The following BMS1 variants were observed in gnomAD, a reference collection of about 807,000 sequenced individuals.
BMS1 encodes BMS1 ribosome biogenesis factor.
Under a neutral mutation model 138.7 loss-of-function variants are expected in BMS1, and 53 were observed. The observed-to-expected ratio is 0.38, with a 90% confidence interval of 0.31 to 0.48. The LOEUF is 0.48. Among genes scored for constraint, BMS1 ranks in the 20% least tolerant of loss-of-function variants. The probability of loss-of-function intolerance (pLI) is 0.97; values close to 1 mark genes in which losing one functional copy is unlikely to be tolerated. For synonymous variants in BMS1, 504 were observed against 539.9 expected (o/e 0.93, Z 0.92); for missense variants, 1,360 against 1,565.5 (o/e 0.87, Z 2.22).
At chr10:42,804,629 A>G (rs1841962643) in intron 13 of BMS1, among the ~76,000 whole-genome samples, 1 of 152,044 alleles carries the variant, frequency 6.6e-6, no homozygotes, top group South Asian at 2.1e-4. Context: ...GTGTTATCCA[A>G]TTATTTTTGC....
intron 14 of BMS1, among the ~76,000 whole-genome samples, chr10:42,817,058 C>A (rs1235909312): frequency 6.6e-6 from 1 of 152,150 alleles, no homozygotes; most frequent in Admixed American, 6.5e-5. Context: ...GGGTGAGGGA[C>A]ACGTCTGTTA....
At chr10:42,827,389 A>G (rs1238233952) in intron 21 of BMS1, among the ~76,000 whole-genome samples, 1 of 152,212 alleles carries the variant, frequency 6.6e-6, no homozygotes, top group African/African-American at 2.4e-5. Context: ...TCAGTGTAAC[A>G]GTGGCCCACC....
chr10:42,802,760 AT>A (rs1331142930), intron 13 of BMS1, among the ~76,000 whole-genome samples: 2 of 150,854 alleles, frequency 1.3e-5, no homozygotes, highest in African/African-American at 4.8e-5. Flanking sequence ...CAAATATTTC[AT>A]TTTTATTATT....
chr10:42,808,582 A>C (rs900181126), intron 13 of BMS1, among the ~76,000 whole-genome samples: 2 of 152,108 alleles, frequency 1.3e-5, no homozygotes, highest in Non-Finnish European at 2.9e-5. Flanking sequence ...TACAGGCGTG[A>C]GCCACCGTGT....
intron 21 of BMS1, among the ~76,000 whole-genome samples, chr10:42,826,687 C>A (rs1401606597): frequency 6.6e-6 from 1 of 152,228 alleles, no homozygotes; most frequent in Admixed American, 6.5e-5. Flanking sequence ...TCAACCAATG[C>A]CATTTTCCTG....
At chr10:42,785,021 G>A (rs1244491845) in intron 2 of BMS1, among the ~76,000 whole-genome samples, 1 of 152,100 alleles carries the variant, frequency 6.6e-6, no homozygotes, top group Non-Finnish European at 1.5e-5. Context: ...AATCATTCTT[G>A]CCCTCATTTT....
In BMS1 at chr10:42,834,416, T is replaced by C. The variant is rs1183980256; in HGVS notation, c.*3320T>C. ...GATGGGAAAAAGAGCATCGATTTAA[T>C]TGCCCTTGGTACCGACTTCTAGTAT... is the stretch of plus-strand genomic sequence containing the variant. On this transcript the variant is annotated 3_prime_UTR_variant, in exon 23 of 23. Transcript: ENST00000374518. 1 of 151,912 alleles carries C rather than the reference T, an allele frequency of 6.6e-6. No homozygotes were observed. The highest frequency in any genetic ancestry group is 1.5e-5 in the Non-Finnish European group (1 of 68,026). 9.4% of individuals were successfully genotyped at this position (151,912 alleles called of 1,614,324 possible).
At chr10:42,793,743 A>G in intron 8 of BMS1, 109 bp from the exon 9 acceptor site, 1 of 1,290,376 alleles carries the variant, frequency 7.7e-7, no homozygotes, top group Non-Finnish European at 1.1e-6. Flanking sequence ...GCATTAAGAA[A>G]GGTTCTTAGG....
chr10:42,785,440 T>A (rs1841296992), intron 2 of BMS1, 42 bp from the exon 3 acceptor site: 3 of 1,521,986 alleles, frequency 2.0e-6, no homozygotes. Flanking sequence ...ATTTTGAAAA[T>A]GAGTTTACTA....
Position 42,793,867 on chromosome 10 carries a change from A to G in BMS1, c.1105A>G (p.Thr369Ala), listed in dbSNP as rs1294851411. 6.2e-7 allele frequency: 1 copy of G among 1,611,202 alleles called. No individual in the cohort carries two copies. Among genetic ancestry groups the G allele is most frequent in the East Asian group, 2.2e-5 (1 of 44,832 alleles). Residue 369 changes from threonine to alanine, a missense_variant, in exon 9 of 23, where the codon ACC becomes GCC. Around this residue, in one of 3 missense-constraint regions of BMS1, gnomAD observed 697 missense variants for 686.2 expected, o/e 1.02. Transcript: ENST00000374518. Reference sequence around the variant, plus strand: ...GTCTTGACAGGATGAAGTGGGGCCCACCCATGAGCTGGTCCAGAGTCTCAT... The same window carrying G: ...GTCTTGACAGGATGAAGTGGGGCCCGCCCATGAGCTGGTCCAGAGTCTCAT... ...SHVFQDEVGP[T>A]HELVQSLIST...
chr10:42,789,101 A>G (rs1564408732), intron 4 of BMS1, among the ~76,000 whole-genome samples: 1 of 152,234 alleles, frequency 6.6e-6, no homozygotes, highest in African/African-American at 2.4e-5. Flanking sequence ...GGGTGTGTAC[A>G]GGCGTGTGTA....
chr10:42,821,514 A>T, intron 18 of BMS1, among the ~76,000 whole-genome samples: 1 of 149,442 alleles, frequency 6.7e-6, no homozygotes, highest in East Asian at 2.0e-4. Context: ...TTCCTCTGAA[A>T]TCACTCTCAG....
Position 42,787,219 on chromosome 10 carries a change from TGATTGATCTG to T in BMS1, c.421_430del (p.Ile141LeufsTer3). On this transcript the variant is annotated frameshift_variant, in exon 4 of 23. Transcript: ENST00000374518. LOFTEE classifies it high-confidence loss of function. ...GAATGTGGGTGTGACATTAACATGATGATTGATCTGGCTAAAGTAGCAGATCTGGTAAGTG... is the reference window on the plus strand; with the variant it reads ...GAATGTGGGTGTGACATTAACATGATGCTAAAGTAGCAGATCTGGTAAGTG... The T allele has an allele frequency of 1.4e-6, 2 of 1,405,380 alleles. No individual in the cohort carries two copies. Among genetic ancestry groups the T allele is most frequent in the Non-Finnish European group, 2.0e-6 (2 of 1,007,246 alleles). The allele number at this position is 1,405,380 out of a possible 1,614,324, so 87.1% of individuals were successfully genotyped here.
intron 5 of BMS1, among the ~76,000 whole-genome samples, chr10:42,791,292 C>G (rs894364538): frequency 6.6e-6 from 1 of 152,166 alleles, no homozygotes; most frequent in Admixed American, 6.5e-5. Context: ...TAGAGTACCT[C>G]GGAAGTTTCT....
At chr10:42,782,927 G>A (rs1351575332) in intron 1 of BMS1, 97 bp downstream of exon 1, 2 of 152,636 alleles carry the variant, frequency 1.3e-5, no homozygotes, top group African/African-American at 4.8e-5. Flanking sequence ...TCCTCCCCCG[G>A]TCCTCCGGGT....
chr10:42,825,502 A>G (rs527297454), intron 21 of BMS1, among the ~76,000 whole-genome samples: 1 of 150,558 alleles, frequency 6.6e-6, no homozygotes, highest in East Asian at 1.9e-4. Flanking sequence ...AAGTGTACAC[A>G]TCTCTCACCT....
chr10:42,821,045 G>A (rs2419102), intron 18 of BMS1, 53 bp downstream of exon 18: 2 of 1,406,784 alleles, frequency 1.4e-6, no homozygotes, highest in South Asian at 1.2e-5. Context: ...ATATATCCTG[G>A]GTGTGGGTTA....
rs1841508486 is a variant in BMS1 at position 42,791,644 on chromosome 10, C to T, written c.654C>T (p.Tyr218=). The change falls in exon 6 of 23, where the codon TAC becomes TAT. Residue 218 remains tyrosine (Y), a synonymous_variant. Transcript: ENST00000374518. The part of the protein sequence containing the change: ...TEVYPGAKLF[Y]LSGMVHGEYQ... ...ATGTTTAGGGTGCCAAGCTGTTCTACCTTTCTGGAATGGTGCATGGAGAAT... is the reference window on the plus strand; with the variant it reads ...ATGTTTAGGGTGCCAAGCTGTTCTATCTTTCTGGAATGGTGCATGGAGAAT... 5 of 1,610,410 alleles carry T rather than the reference C, an allele frequency of 3.1e-6. No individual in the cohort carries two copies. The highest frequency in any genetic ancestry group is 4.2e-6 in the Non-Finnish European group (5 of 1,178,944).
intron 4 of BMS1, 34 bp from the exon 5 acceptor site, chr10:42,790,289 A>ACT: frequency 6.2e-7 from 1 of 1,609,188 alleles, no homozygotes; most frequent in Non-Finnish European, 8.5e-7. Flanking sequence ...CTGTTTTGGT[A>ACT]GTTTCTTTGA....
Sources: gnomAD v4.1 joint callset for allele counts (sites outside exome capture counted in the v4.1 genomes callset) on GRCh38, gnomAD v4.1.1 for gene constraint, gnomAD v4.1.1 regional missense constraint, MANE v1.5 for transcripts, NCBI Gene and HGNC (gene_info 2026-07-23, HGNC 2026-07-21) for gene names.